DDX18: variants seen among roughly 807,000 people sequenced by gnomAD.
DDX18 encodes the protein ATP-dependent RNA helicase DDX18.
DDX18 carries 23 observed loss-of-function variants against 73.5 expected under a neutral mutation model. The ratio of observed to expected loss-of-function variants is 0.31; its 90% confidence interval spans 0.23 to 0.44. DDX18 has a LOEUF of 0.44. Among genes scored for constraint, DDX18 ranks in the 20% least tolerant of loss-of-function variants. DDX18 has a pLI of 1.00. For synonymous variants in DDX18, 268 were observed against 282.7 expected (o/e 0.95, Z 0.52); for missense variants, 753 against 792.9 (o/e 0.95, Z 0.60).
chr2:117,824,680 C>A lies in DDX18; in HGVS notation c.1178C>A (p.Ala393Glu). 1 of 1,477,964 alleles carries A rather than the reference C, an allele frequency of 6.8e-7. No individual in the cohort carries two copies. Among genetic ancestry groups the A allele is most frequent in the South Asian group, 1.5e-5 (1 of 67,354 alleles). 91.6% of individuals were successfully genotyped at this position (1,477,964 alleles called of 1,614,324 possible). ...PLYVGVDDDK[A>E]NATVDGLEQG... ...TATGTTGGCGTTGATGATGATAAAG[C>A]GAATGCAACAGTGGATGGTCTTGAA... is the stretch of plus-strand genomic sequence containing the variant. The change falls in exon 8 of 14, where the codon GCG (alanine) becomes GAG (glutamate). Residue 393 changes from alanine to glutamate, a missense_variant. Transcript: ENST00000263239.
intron 3 of DDX18, among the ~76,000 whole-genome samples, chr2:117,820,829 C>T (rs1370190036): frequency 1.3e-5 from 2 of 152,002 alleles, no homozygotes; most frequent in East Asian, 3.9e-4. Flanking sequence ...ACTTTTATAT[C>T]AGATTTCTTA....
chr2:117,822,301 G>A, intron 7 of DDX18, 40 bp downstream of exon 7: 1 of 1,485,926 alleles, frequency 6.7e-7, no homozygotes, highest in Non-Finnish European at 9.4e-7. Flanking sequence ...CAAAGTATCT[G>A]TTGGAGGTAG....
Position 117,826,345 on chromosome 2 carries a change from A to C in DDX18, c.1598A>C (p.Glu533Ala). The change falls in exon 11 of 14, where the codon GAA (glutamate) becomes GCA (alanine). Residue 533 changes from glutamate (E) to alanine (A), a missense_variant. Coordinates refer to ENST00000263239, the MANE Select transcript of DDX18 (RefSeq NM_006773.4). The part of the protein sequence containing the change: ...RGHALLILRP[E>A]ELGFLRYLKQ... Reference sequence around the variant, plus strand: ...CATGCCTTGCTCATTTTGCGCCCAGAAGAATTGGGTTTTCTTCGCTACTTG... The same window carrying C: ...CATGCCTTGCTCATTTTGCGCCCAGCAGAATTGGGTTTTCTTCGCTACTTG... 6.2e-7 allele frequency: 1 copy of C among 1,614,070 alleles called. No homozygotes were observed. Among genetic ancestry groups the C allele is most frequent in the Non-Finnish European group, 8.5e-7 (1 of 1,180,004 alleles).
chr2:117,829,652 C>T (rs1301710955), intron 13 of DDX18, among the ~76,000 whole-genome samples, 186 bp downstream of exon 13: 3 of 152,062 alleles, frequency 2.0e-5, no homozygotes, highest in African/African-American at 7.3e-5. Context: ...GTAAGCAGGG[C>T]TTAATCATTA....
At chr2:117,830,531 G>T (rs997163391) in intron 13 of DDX18, 51 bp from the exon 14 acceptor site, 2 of 1,597,590 alleles carry the variant, frequency 1.3e-6, no homozygotes, top group African/African-American at 2.7e-5. Context: ...GTAGATGTTA[G>T]ATTGGAGTTC....
chr2:117,830,519 G>T, intron 13 of DDX18, 63 bp from the exon 14 acceptor site: 1 of 1,576,234 alleles, frequency 6.3e-7, no homozygotes, highest in Non-Finnish European at 8.6e-7. Flanking sequence ...TTTTTTCTCT[G>T]TGTAGATGTT....
In DDX18 at chr2:117,830,859, A is replaced by T. The variant is rs1680011853; in HGVS notation, c.*135A>T. 1 of 944,128 alleles carries T rather than the reference A, an allele frequency of 1.1e-6. No individual in the cohort carries two copies. Among genetic ancestry groups the T allele is most frequent in the Admixed American group, 2.8e-5 (1 of 35,144 alleles). 58.5% of individuals were successfully genotyped at this position (944,128 alleles called of 1,614,324 possible). A position where few individuals can be genotyped will look rare whatever the true frequency, so the allele number is the denominator to read the frequency against. ...GTATAAATTGACTTGGGTTGCAAGC[A>T]CTGAGCACTGTTACTTCTATCACGT... On this transcript the variant is annotated 3_prime_UTR_variant, in exon 14 of 14. Coordinates refer to ENST00000263239, the MANE Select transcript of DDX18 (RefSeq NM_006773.4).
At position 117,830,810 on chromosome 2, in the gene DDX18, A is replaced by C; in HGVS notation, c.*86A>C. On this transcript the variant is annotated 3_prime_UTR_variant, in exon 14 of 14. Transcript: ENST00000263239. ...ATTTAACAGGATTTTTGTAGACTTT[A>C]GAATTTGGACTTACCTAACAAGAGT... The C allele has an allele frequency of 1.3e-6, 2 of 1,546,782 alleles. No individual in the cohort carries two copies. Among genetic ancestry groups the C allele is most frequent in the Admixed American group, 1.9e-5 (1 of 52,064 alleles).
intron 3 of DDX18, 52 bp downstream of exon 3, chr2:117,819,844 T>G (rs373454164): frequency 3.4e-6 from 5 of 1,473,172 alleles, no homozygotes; most frequent in Non-Finnish European, 4.5e-6. Context: ...GTGCCTCTCT[T>G]AGAGGATTAT....
intron 7 of DDX18, 195 bp downstream of exon 7, chr2:117,822,456 T>C (rs1158746347): frequency 2.0e-6 from 1 of 507,082 alleles, no homozygotes; most frequent in African/African-American, 1.9e-5. Context: ...TTTGCTGTTT[T>C]AGAAGTTATA....
chr2:117,816,507 T>G (rs1553440278), intron 1 of DDX18, among the ~76,000 whole-genome samples: 1 of 152,208 alleles, frequency 6.6e-6, no homozygotes, highest in Non-Finnish European at 1.5e-5. Flanking sequence ...CTTGTCCCAC[T>G]GGAAGATCTT....
chr2:117,817,963 CCT>C (rs1388356636), intron 2 of DDX18, among the ~76,000 whole-genome samples: 1 of 152,144 alleles, frequency 6.6e-6, no homozygotes, highest in Non-Finnish European at 1.5e-5. Context: ...TTGAAGAAAA[CCT>C]CTCTCAGAAA....
intron 11 of DDX18, chr2:117,827,412 T>A (rs1679949726): frequency 6.6e-6 from 1 of 152,228 alleles, no homozygotes; most frequent in Admixed American, 6.5e-5. Flanking sequence ...TATGTATTCA[T>A]GTGCCATGTT....
chr2:117,828,911 C>G, intron 11 of DDX18, 38 bp from the exon 12 acceptor site: 2 of 1,424,208 alleles, frequency 1.4e-6, no homozygotes, highest in South Asian at 2.3e-5. Context: ...GAATGCTGAT[C>G]ATCCTGGTTT....
At chr2:117,819,493 A>G (rs1471767530) in intron 2 of DDX18, among the ~76,000 whole-genome samples, 156 bp from the exon 3 acceptor site, 1 of 152,178 alleles carries the variant, frequency 6.6e-6, no homozygotes, top group East Asian at 1.9e-4. Context: ...ACAACCACTC[A>G]TTTTTCACCA....
chr2:117,829,167 A>G, intron 12 of DDX18, 122 bp from the exon 13 acceptor site: 1 of 1,185,288 alleles, frequency 8.4e-7, no homozygotes, highest in Non-Finnish European at 1.2e-6. Flanking sequence ...AGTTATCACC[A>G]CTCTGTGCCC....
chr2:117,823,395 G>C (rs931863738), intron 7 of DDX18, among the ~76,000 whole-genome samples: 1 of 152,118 alleles, frequency 6.6e-6, no homozygotes, highest in Admixed American at 6.6e-5. Flanking sequence ...ATTTATCTCT[G>C]AGTGTTTCAT....
At chr2:117,825,666 C>T (rs1679914264) in intron 10 of DDX18, 67 bp downstream of exon 10, 1 of 1,561,172 alleles carries the variant, frequency 6.4e-7, no homozygotes, top group Non-Finnish European at 8.8e-7. Context: ...TCTCCCAGTT[C>T]CCTGACGGAA....
intron 7 of DDX18, chr2:117,822,525 T>A: frequency 2.9e-6 from 1 of 344,878 alleles, no homozygotes; most frequent in Non-Finnish European, 5.5e-6. Context: ...CATTCTTACC[T>A]CATCTAACAT....
Sources: allele counts gnomAD v4.1 joint callset (sites outside exome capture counted in the v4.1 genomes callset), GRCh38; gene constraint gnomAD v4.1.1; transcripts MANE v1.5; gene names NCBI Gene and HGNC (gene_info 2026-07-23, HGNC 2026-07-21).